The following FARP1 variants were observed in gnomAD, a reference collection of about 807,000 sequenced individuals.
FARP1 encodes the protein FERM, ARH/RhoGEF and pleckstrin domain protein 1.
A neutral mutation model predicts 128.8 loss-of-function variants in FARP1; 52 were observed. The observed-to-expected ratio is 0.40, with a 90% CI of 0.32 to 0.51. FARP1 has a LOEUF of 0.51. Ranked by LOEUF, FARP1 falls within the 20% of genes least tolerant of loss-of-function variation. The probability of loss-of-function intolerance (pLI) is 0.45; values close to 1 mark genes in which losing one functional copy is unlikely to be tolerated. For missense variants in FARP1, 1,333 were observed against 1,367.9 expected (o/e 0.97, Z 0.40); for synonymous variants, 580 against 551.8 (o/e 1.05, Z -0.72).
chr13:98,414,236 G>A (rs1413422733), intron 16 of FARP1, among the ~76,000 whole-genome samples: 1 of 152,198 alleles, frequency 6.6e-6, no homozygotes, highest in Non-Finnish European at 1.5e-5. Flanking sequence ...TGTAACCCAT[G>A]TTTTACAGAA....
chr13:98,392,323 CAAAAAAAAAAAA>C (rs11289484), intron 11 of FARP1, among the ~76,000 whole-genome samples: 9 of 60,420 alleles, frequency 1.5e-4, no homozygotes, highest in Admixed American at 3.9e-4. Flanking sequence ...CATCTCTACC[CAAAAAAAAAAAA>C]AAAAAAAAAA....
chr13:98,286,779 G>C (rs1365334171), intron 2 of FARP1, among the ~76,000 whole-genome samples: 1 of 152,098 alleles, frequency 6.6e-6, no homozygotes, highest in African/African-American at 2.4e-5. Context: ...TTTGTCCCAG[G>C]CACTTCTTCT....
At chr13:98,164,221 C>T (rs1481662996) in intron 1 of FARP1, among the ~76,000 whole-genome samples, 3 of 152,156 alleles carry the variant, frequency 2.0e-5, no homozygotes, top group Non-Finnish European at 4.4e-5. Context: ...TAGTTTGCCT[C>T]CATTTGTTAA....
At chr13:98,428,483 C>T (rs956591363) in intron 17 of FARP1, among the ~76,000 whole-genome samples, 1 of 152,196 alleles carries the variant, frequency 6.6e-6, no homozygotes, top group Non-Finnish European at 1.5e-5. Context: ...TCCCACCAAC[C>T]CAGCCTTCCA....
intron 10 of FARP1, 190 bp from the exon 11 acceptor site, chr13:98,390,622 A>G (rs1247883790): frequency 9.4e-5 from 51 of 544,892 alleles, no homozygotes; most frequent in Non-Finnish European, 6.2e-5. Context: ...TTCAAGGAAA[A>G]TATCAAGAGA....
At position 98,245,524 on chromosome 13, in the gene FARP1, A is replaced by T. The variant is rs191836790; in HGVS notation, c.171+32111A>T. ...TCTACTTGTGTAAACGCAAAGCTTA[A>T]TTTTTAAAAAGCCTCCCCCAGTTTT... On this transcript the variant is annotated intron_variant, in intron 2 of 26. Coordinates refer to ENST00000319562, the MANE Select transcript of FARP1 (RefSeq NM_005766.4). 3.5e-4 allele frequency among the ~76,000 whole-genome samples: 54 copies of T among 152,326 alleles called. 1 individual carries two copies. In the East Asian group the frequency reaches 8.3e-3, roughly 23 times the overall value.
At chr13:98,394,499 A>G (rs1181232865) in intron 12 of FARP1, among the ~76,000 whole-genome samples, 1 of 152,190 alleles carries the variant, frequency 6.6e-6, no homozygotes, top group African/African-American at 2.4e-5. Flanking sequence ...TGTTCCGTAG[A>G]AGCTTTACAA....
At chr13:98,441,241 G>GA (rs1335307019) in intron 24 of FARP1, among the ~76,000 whole-genome samples, 1 of 152,208 alleles carries the variant, frequency 6.6e-6, no homozygotes, top group Non-Finnish European at 1.5e-5. Flanking sequence ...GCATGGGAGG[G>GA]AGGAGAGTCT....
intron 2 of FARP1, among the ~76,000 whole-genome samples, chr13:98,335,924 T>G (rs1293534192): frequency 6.6e-6 from 1 of 152,210 alleles, no homozygotes; most frequent in Non-Finnish European, 1.5e-5. Flanking sequence ...ATGGTTACGC[T>G]AATCCCAAAA....
chr13:98,309,183 T>G lies in FARP1; in HGVS notation c.172-34579T>G, dbSNP rs1216143192. On this transcript the variant is annotated intron_variant, in intron 2 of 26. Coordinates refer to ENST00000319562, the MANE Select transcript of FARP1 (RefSeq NM_005766.4). ...TTTTTTTTTTTTTTTTTTTTTTTTT[T>G]GGAGACGGAGTCTCGCTCTGTGGCC... is the stretch of plus-strand genomic sequence containing the variant. Among the ~76,000 whole-genome samples, 15 of 68,934 alleles carry G rather than the reference T, an allele frequency of 2.2e-4. No homozygotes were observed. In the East Asian group the frequency reaches 2.5e-3, roughly 11 times the overall value. The allele number at this position is 68,934 out of a possible 152,430, so 45.2% of individuals were successfully genotyped here. A position where few individuals can be genotyped will look rare whatever the true frequency, so the allele number is the denominator to read the frequency against.
At chr13:98,235,482 G>C (rs1364905578) in intron 2 of FARP1, among the ~76,000 whole-genome samples, 1 of 152,134 alleles carries the variant, frequency 6.6e-6, no homozygotes, top group African/African-American at 2.4e-5. Context: ...ACAGGTATCG[G>C]AGACAGAGGG....
intron 3 of FARP1, among the ~76,000 whole-genome samples, chr13:98,351,114 C>T (rs1391945094): frequency 4.6e-5 from 7 of 151,128 alleles, no homozygotes; most frequent in South Asian, 4.3e-4. Context: ...CCCCCTCCCC[C>T]TCTCCCTCTG....
chr13:98,448,449 C>T lies in FARP1; in HGVS notation c.*132C>T, dbSNP rs1893000570. The stretch of plus-strand genomic sequence containing the variant: ...CATGGCTTCCCAGCAGCTCTCCTGT[C>T]TCCACAGCCGCGTTTTTTAACCCCG... On this transcript the variant is annotated 3_prime_UTR_variant, in exon 27 of 27. Coordinates refer to ENST00000319562, the MANE Select transcript of FARP1 (RefSeq NM_005766.4). 3 of 742,486 alleles carry T rather than the reference C, an allele frequency of 4.0e-6. No individual in the cohort carries two copies. Among genetic ancestry groups the T allele is most frequent in the Middle Eastern group, 2.6e-4 (1 of 3,878 alleles). The allele number at this position is 742,486 out of a possible 1,614,324, so 46.0% of individuals were successfully genotyped here. A position where few individuals can be genotyped will look rare whatever the true frequency, so the allele number is the denominator to read the frequency against.
chr13:98,204,366 T>C (rs903739121), intron 1 of FARP1, among the ~76,000 whole-genome samples: 2 of 152,226 alleles, frequency 1.3e-5, no homozygotes. Context: ...TTTAAAATCT[T>C]CCTATTATCA....
intron 6 of FARP1, among the ~76,000 whole-genome samples, chr13:98,379,906 G>A (rs896048247): frequency 6.6e-6 from 1 of 152,132 alleles, no homozygotes; most frequent in Non-Finnish European, 1.5e-5. Context: ...TGTATACCCA[G>A]TACATGCTAG....
At chr13:98,144,049 C>G (rs1271675519) in intron 1 of FARP1, among the ~76,000 whole-genome samples, 1 of 151,904 alleles carries the variant, frequency 6.6e-6, no homozygotes, top group Non-Finnish European at 1.5e-5. Flanking sequence ...TACTGTCTGC[C>G]TTTATGCAGG....
At chr13:98,402,878 T>C (rs1890830043) in intron 13 of FARP1, 1 of 152,252 alleles carries the variant, frequency 6.6e-6, no homozygotes, top group Admixed American at 6.5e-5. Context: ...ACCAAATTAA[T>C]TTGAAATAGA....
chr13:98,150,128 TC>T (rs1232665531), intron 1 of FARP1, among the ~76,000 whole-genome samples: 1 of 151,938 alleles, frequency 6.6e-6, no homozygotes, highest in Non-Finnish European at 1.5e-5. Context: ...AACCTCTGCC[TC>T]CCAGGTTCAA....
At chr13:98,322,374 G>A (rs555793351) in intron 2 of FARP1, among the ~76,000 whole-genome samples, 29 of 152,296 alleles carry the variant, frequency 1.9e-4, no homozygotes, top group African/African-American at 5.8e-4. Context: ...GGCACTCCAG[G>A]AAAAATACTG....
Sources: gnomAD v4.1 joint callset for allele counts (sites outside exome capture counted in the v4.1 genomes callset) on GRCh38, gnomAD v4.1.1 for gene constraint, MANE v1.5 for transcripts, NCBI Gene and HGNC (gene_info 2026-07-23, HGNC 2026-07-21) for gene names.